GPC6: variants seen among roughly 807,000 people sequenced by gnomAD.
GPC6 encodes glypican 6, also known as glypican-6.
Under a neutral mutation model 55.2 loss-of-function variants are expected in GPC6, and 14 were observed. The observed-to-expected ratio is 0.25, with a 90% CI of 0.17 to 0.40. GPC6 has a LOEUF of 0.40. Among genes scored for constraint, GPC6 ranks in the 10% least tolerant of loss-of-function variants. The probability of loss-of-function intolerance (pLI) is 1.00; values close to 1 mark genes in which losing one functional copy is unlikely to be tolerated. For missense variants in GPC6, 641 were observed against 708.5 expected (o/e 0.90, Z 1.08); for synonymous variants, 278 against 259.6 (o/e 1.07, Z -0.68).
intron 4 of GPC6, among the ~76,000 whole-genome samples, chr13:94,030,355 C>A (rs1883079139): frequency 6.6e-6 from 1 of 152,096 alleles, no homozygotes; most frequent in Non-Finnish European, 1.5e-5. Context: ...TGAGAAAATT[C>A]TTCCAGTTTT....
intron 2 of GPC6, among the ~76,000 whole-genome samples, chr13:93,639,267 T>TA (rs1879816708): frequency 6.6e-6 from 1 of 152,040 alleles, no homozygotes; most frequent in South Asian, 2.1e-4. Flanking sequence ...AGAAGGTAAG[T>TA]ACAAAGACCC....
chr13:94,123,802 C>T (rs1390398786), intron 4 of GPC6, among the ~76,000 whole-genome samples: 1 of 152,074 alleles, frequency 6.6e-6, no homozygotes, highest in Middle Eastern at 3.4e-3. Context: ...CAAAGGTCAG[C>T]TTTGCAGTCA....
At chr13:94,050,060 G>A (rs548037415) in intron 4 of GPC6, among the ~76,000 whole-genome samples, 2 of 152,078 alleles carry the variant, frequency 1.3e-5, no homozygotes, top group South Asian at 2.1e-4. Flanking sequence ...CCCCAGCCAC[G>A]TAGAACTGTG....
Position 93,464,678 on chromosome 13 carries a change from A to T in GPC6, c.161-80585A>T, listed in dbSNP as rs765792831. 1.1e-3 allele frequency among the ~76,000 whole-genome samples: 163 copies of T among 152,274 alleles called. 2 individuals carry two copies. The highest frequency in any genetic ancestry group is 2.1e-3 in the Non-Finnish European group (146 of 68,010). On this transcript the variant is annotated intron_variant, in intron 1 of 8. Transcript: ENST00000377047. ...CTTGGACCCCTCCAAGTCATCTATG[A>T]GGGTTGGAATCAAATTCTTCCAAAC...
intron 2 of GPC6, among the ~76,000 whole-genome samples, chr13:93,648,250 T>C (rs1277988980): frequency 2.6e-5 from 4 of 152,152 alleles, no homozygotes; most frequent in African/African-American, 9.7e-5. Context: ...TAAGAGGTCA[T>C]GGAGAACACA....
At chr13:93,858,611 A>G (rs1201219724) in intron 3 of GPC6, among the ~76,000 whole-genome samples, 1 of 151,616 alleles carries the variant, frequency 6.6e-6, no homozygotes, top group Admixed American at 6.6e-5. Flanking sequence ...CACCATGAAA[A>G]CATGATGTTC....
rs562784391 is a variant in GPC6 at position 93,877,100 on chromosome 13, C to A, written c.711+46555C>A. Among the ~76,000 whole-genome samples the A allele has an allele frequency of 2.4e-4, 37 of 152,068 alleles. 1 individual carries two copies. The South Asian group carries it at 4.8e-3, about 20-fold the overall frequency. On this transcript the variant is annotated intron_variant, in intron 3 of 8. Transcript: ENST00000377047. ...AATATAACACTTTATAAATTTGATT[C>A]CCTAAGCAGTAGAAATATATCAGCT...
At chr13:94,073,736 C>A (rs1268343908) in intron 4 of GPC6, among the ~76,000 whole-genome samples, 1 of 152,118 alleles carries the variant, frequency 6.6e-6, no homozygotes, top group African/African-American at 2.4e-5. Context: ...AAAGGACCCT[C>A]TAGGATAAGC....
intron 4 of GPC6, among the ~76,000 whole-genome samples, chr13:94,281,537 C>A (rs1892382114): frequency 1.3e-5 from 2 of 152,148 alleles, no homozygotes; most frequent in Non-Finnish European, 2.9e-5. Flanking sequence ...TTTTATGTCT[C>A]TTTTTCTCAA....
intron 2 of GPC6, among the ~76,000 whole-genome samples, chr13:93,694,135 T>C (rs1882361035): frequency 6.6e-6 from 1 of 152,180 alleles, no homozygotes; most frequent in African/African-American, 2.4e-5. Flanking sequence ...TCTTGCTCTT[T>C]TATTAATATT....
intron 2 of GPC6, 38 bp downstream of exon 2, chr13:93,545,459 G>A: frequency 6.5e-7 from 1 of 1,546,826 alleles, no homozygotes; most frequent in Non-Finnish European, 8.9e-7. Context: ...TGTTATAGGT[G>A]CACTTTTCTA....
chr13:93,469,907 G>C (rs1003209444), intron 1 of GPC6, among the ~76,000 whole-genome samples: 1 of 151,992 alleles, frequency 6.6e-6, no homozygotes, highest in Admixed American at 6.6e-5. Flanking sequence ...TTCTGTTTTT[G>C]TCAGAAATTT....
intron 1 of GPC6, among the ~76,000 whole-genome samples, chr13:93,435,523 T>C (rs1877539688): frequency 6.6e-6 from 1 of 152,100 alleles, no homozygotes; most frequent in Non-Finnish European, 1.5e-5. Context: ...GATATCACAA[T>C]GGTAGTTCTT....
In GPC6 at chr13:94,192,511, T is replaced by A. The variant is rs182362778; in HGVS notation, c.878-93838T>A. On this transcript the variant is annotated intron_variant, in intron 4 of 8. Transcript: ENST00000377047. ...CACGTAGTCAATCACTTCCCACATA[T>A]GCCAGATCTCCCCTAAAGATTAGTC... Among the ~76,000 whole-genome samples the A allele has an allele frequency of 3.0e-4, 45 of 152,310 alleles. 1 individual carries two copies. The highest frequency in any genetic ancestry group is 1.0e-3 in the African/African-American group (42 of 41,570).
chr13:93,294,563 G>A (rs1220803842), intron 1 of GPC6, among the ~76,000 whole-genome samples: 5 of 152,016 alleles, frequency 3.3e-5, no homozygotes, highest in South Asian at 2.1e-4. Flanking sequence ...TTACCATACC[G>A]TATGCTTGGC....
In GPC6 at chr13:93,236,798, C is replaced by T. The variant is rs10161781; in HGVS notation, c.160+9182C>T. ...GCCCCTGTGTATGCATACTTATCTC[C>T]CACTTATTAGTGAAAACGTGGTATT... On this transcript the variant is annotated intron_variant, in intron 1 of 8. Transcript: ENST00000377047. Among the ~76,000 whole-genome samples, 974 of 152,220 alleles carry T rather than the reference C, an allele frequency of 6.4e-3. 7 individuals are homozygous for T. The highest frequency in any genetic ancestry group is 0.022 in the African/African-American group (928 of 41,528).
At chr13:93,757,254 G>C (rs189437270) in intron 2 of GPC6, among the ~76,000 whole-genome samples, 61 of 152,252 alleles carry the variant, frequency 4.0e-4, no homozygotes, top group African/African-American at 1.4e-3. Context: ...AGACGTCAGA[G>C]TTCCAGAGTC....
chr13:94,176,078 A>G (rs1888756160), intron 4 of GPC6, among the ~76,000 whole-genome samples: 2 of 151,784 alleles, frequency 1.3e-5, no homozygotes, highest in South Asian at 4.2e-4. Flanking sequence ...GGTTCTTTAT[A>G]TATCCTGGAA....
At chr13:94,088,814 C>T (rs1594726725) in intron 4 of GPC6, among the ~76,000 whole-genome samples, 1 of 152,078 alleles carries the variant, frequency 6.6e-6, no homozygotes, top group South Asian at 2.1e-4. Flanking sequence ...ATCCAGAAAG[C>T]TCTACTCATT....
Sources: allele counts gnomAD v4.1 joint callset (sites outside exome capture counted in the v4.1 genomes callset), GRCh38; gene constraint gnomAD v4.1.1; transcripts MANE v1.5; gene names NCBI Gene and HGNC (gene_info 2026-07-23, HGNC 2026-07-21).